FRMD6: variants seen among roughly 807,000 people sequenced by gnomAD.
The protein encoded by FRMD6 is FERM domain-containing protein 6.
FRMD6 carries 37 observed loss-of-function variants against 73.2 expected under a neutral mutation model. The ratio of observed to expected loss-of-function variants is 0.51; its 90% CI spans 0.39 to 0.66. FRMD6 has a LOEUF of 0.66. Among genes scored for constraint, FRMD6 ranks in the 30% least tolerant of loss-of-function variants. FRMD6 has a pLI of 0.00. For synonymous variants in FRMD6, 273 were observed against 282.2 expected, an observed-to-expected ratio of 0.97 and a Z score of 0.33; for missense variants, 714 against 780.5, an observed-to-expected ratio of 0.91 and a Z score of 1.02.
intron 2 of FRMD6, among the ~76,000 whole-genome samples, chr14:51,601,908 AGTT>A (rs1890052511): frequency 6.6e-6 from 1 of 152,156 alleles, no homozygotes; most frequent in South Asian, 2.1e-4. Flanking sequence ...CTTGTACCAC[AGTT>A]GTTCTGCCTC....
chr14:51,508,183 G>A (rs956696036), intron 1 of FRMD6, among the ~76,000 whole-genome samples: 2 of 151,958 alleles, frequency 1.3e-5, no homozygotes, highest in African/African-American at 4.8e-5. Context: ...CTCTCCCGCT[G>A]GGTGACCCCA....
chr14:51,608,336 A>C (rs1890348471), intron 2 of FRMD6, among the ~76,000 whole-genome samples: 1 of 152,194 alleles, frequency 6.6e-6, no homozygotes, highest in Non-Finnish European at 1.5e-5. Context: ...CCAGCTCTAG[A>C]ATCTGAGGTC....
chr14:51,691,593 T>G (rs956818584), intron 2 of FRMD6, among the ~76,000 whole-genome samples: 26 of 86,466 alleles, frequency 3.0e-4, no homozygotes, highest in Non-Finnish European at 5.3e-4. Context: ...TTTTGATTTT[T>G]TTTTTTTTTT....
intron 1 of FRMD6, among the ~76,000 whole-genome samples, chr14:51,672,484 C>T (rs914285563): frequency 6.6e-6 from 1 of 152,106 alleles, no homozygotes; most frequent in African/African-American, 2.4e-5. Flanking sequence ...CTTCAAAGGG[C>T]ACCCATTTTT....
intron 1 of FRMD6, among the ~76,000 whole-genome samples, chr14:51,545,644 A>C (rs1886429521): frequency 6.6e-6 from 1 of 152,098 alleles, no homozygotes; most frequent in Non-Finnish European, 1.5e-5. Context: ...TTAAGGATAA[A>C]ATGAGTTAGT....
chr14:51,464,156 C>A, the FRMD6 span, among the ~76,000 whole-genome samples: 1 of 152,142 alleles, frequency 6.6e-6, no homozygotes, highest in Admixed American at 6.5e-5. Context: ...TCTGCTCCAA[C>A]CTAAAACTCA....
At chr14:51,588,870 T>C (rs1889210549) in intron 2 of FRMD6, among the ~76,000 whole-genome samples, 1 of 152,190 alleles carries the variant, frequency 6.6e-6, no homozygotes, top group African/African-American at 2.4e-5. Context: ...ATGAACAGTG[T>C]GGCTTGGTCA....
intron 2 of FRMD6, among the ~76,000 whole-genome samples, chr14:51,633,328 G>A (rs1385313927): frequency 2.0e-5 from 3 of 149,636 alleles, no homozygotes; most frequent in Non-Finnish European, 3.0e-5. Context: ...TTGGCTGGGT[G>A]CGGTAGCTCA....
intron 1 of FRMD6, among the ~76,000 whole-genome samples, chr14:51,509,396 A>C (rs1381092555): frequency 6.6e-6 from 1 of 151,958 alleles, no homozygotes; most frequent in South Asian, 2.1e-4. Context: ...GCGTAGTGGC[A>C]GATGCCTGTA....
At chr14:51,692,830 C>G (rs142332004) in intron 2 of FRMD6, 44 of 152,218 alleles carry the variant, frequency 2.9e-4, no homozygotes, top group African/African-American at 1.0e-3. Context: ...CTGGTTAGTA[C>G]TTGGATGAGA....
the FRMD6 span, among the ~76,000 whole-genome samples, chr14:51,417,146 AT>A: frequency 5.3e-5 from 8 of 152,120 alleles, no homozygotes; most frequent in Non-Finnish European, 1.5e-5. Flanking sequence ...CATTTAGCCC[AT>A]TTACATTTAA....
the FRMD6 span, among the ~76,000 whole-genome samples, chr14:51,449,970 A>C: frequency 6.6e-6 from 1 of 152,214 alleles, no homozygotes; most frequent in South Asian, 2.1e-4. Context: ...TGTGGTGAAA[A>C]ATAAACTTTT....
chr14:51,415,704 A>T, the FRMD6 span, among the ~76,000 whole-genome samples: 1 of 152,100 alleles, frequency 6.6e-6, no homozygotes, highest in Admixed American at 6.5e-5. Flanking sequence ...TTTTCTATTG[A>T]TTGGGATAGT....
At chr14:51,604,395 C>G (rs1030814823) in intron 2 of FRMD6, among the ~76,000 whole-genome samples, 1 of 152,118 alleles carries the variant, frequency 6.6e-6, no homozygotes, top group Non-Finnish European at 1.5e-5. Context: ...GAACTGGAAA[C>G]TATGCTTTCC....
At chr14:51,491,731 A>G (rs566000362) in intron 1 of FRMD6, among the ~76,000 whole-genome samples, 2 of 152,342 alleles carry the variant, frequency 1.3e-5, no homozygotes, top group East Asian at 1.9e-4. Flanking sequence ...CCCGACTCCA[A>G]AGCATTCGAC....
upstream of FRMD6, among the ~76,000 whole-genome samples, chr14:51,487,284 A>G (rs1448999475): frequency 6.6e-6 from 1 of 152,214 alleles, no homozygotes; most frequent in Admixed American, 6.5e-5. Context: ...TGATTACATT[A>G]TTTTTGGTTT....
At chr14:51,592,139 A>T (rs923947383) in intron 2 of FRMD6, among the ~76,000 whole-genome samples, 5 of 152,222 alleles carry the variant, frequency 3.3e-5, no homozygotes, top group African/African-American at 1.2e-4. Flanking sequence ...ATATTTTCAA[A>T]TGTTCAACAA....
Position 51,728,115 on chromosome 14 carries a change from A to G in FRMD6, c.*86A>G, listed in dbSNP as rs3742542. The G allele has an allele frequency of 7.6e-4, 957 of 1,252,858 alleles. 9 individuals carry two copies. The East Asian group carries it at 0.022, about 29-fold the overall frequency. The allele number at this position is 1,252,858 out of a possible 1,614,324, so 77.6% of individuals were successfully genotyped here. A position where few individuals can be genotyped will look rare whatever the true frequency, so the allele number is the denominator to read the frequency against. On this transcript the variant is annotated 3_prime_UTR_variant, in exon 14 of 14. Coordinates refer to ENST00000344768, the MANE Select transcript of FRMD6 (RefSeq NM_001267046.2). The stretch of plus-strand genomic sequence containing the variant: ...AAGTTCTTTACATATTACTTGTGCC[A>G]TATCTTCTTCACCCTAAACATAGCT...
intron 1 of FRMD6, among the ~76,000 whole-genome samples, chr14:51,534,317 A>G (rs186398573): frequency 1.3e-3 from 205 of 152,342 alleles, no homozygotes; most frequent in African/African-American, 4.7e-3. Context: ...CACTCTACCC[A>G]TGGTAATGTG....
Sources: allele counts gnomAD v4.1 joint callset (sites outside exome capture counted in the v4.1 genomes callset), GRCh38; gene constraint gnomAD v4.1.1; transcripts MANE v1.5; gene names NCBI Gene and HGNC (gene_info 2026-07-23, HGNC 2026-07-21).